Variants in NEGR1 observed in about 807,000 individuals in gnomAD.
NEGR1 encodes neuronal growth regulator 1.
A neutral mutation model predicts 40.9 loss-of-function variants in NEGR1; 10 were observed. The observed-to-expected ratio is 0.24, with a 90% CI of 0.15 to 0.42. The LOEUF is 0.42. Ranked by LOEUF, NEGR1 falls within the 10% of genes least tolerant of loss-of-function variation. The pLI is 1.00. For missense variants in NEGR1, 352 were observed against 438.9 expected, an observed-to-expected ratio of 0.80 and a Z score of 1.77; for synonymous variants, 185 against 166.8, an observed-to-expected ratio of 1.11 and a Z score of -0.84.
chr1:72,026,525 A>G (rs1300516598), intron 1 of NEGR1, among the ~76,000 whole-genome samples: 2 of 148,000 alleles, frequency 1.4e-5, no homozygotes, highest in Admixed American at 6.8e-5. Flanking sequence ...ACGGTTCACA[A>G]TGACATTCTT....
At chr1:71,849,971 A>G (rs1440183299) in intron 2 of NEGR1, among the ~76,000 whole-genome samples, 1 of 152,154 alleles carries the variant, frequency 6.6e-6, no homozygotes, top group East Asian at 1.9e-4. Context: ...ATTTATTGCA[A>G]TATTTACTTT....
intron 6 of NEGR1, among the ~76,000 whole-genome samples, chr1:71,445,299 C>CTT (rs67225048): frequency 7.5e-6 from 1 of 132,856 alleles, no homozygotes; most frequent in African/African-American, 2.8e-5. Context: ...AAGCTCAATG[C>CTT]TTTTTTTTTT....
At chr1:71,435,966 C>A (rs148288521) in intron 6 of NEGR1, among the ~76,000 whole-genome samples, 3,183 of 152,216 alleles carry the variant, frequency 0.021, 48 homozygotes, top group South Asian at 0.086. Flanking sequence ...TCATGAGGAC[C>A]TTTAAAGCTC....
At chr1:72,068,224 T>C (rs900750206) in intron 1 of NEGR1, among the ~76,000 whole-genome samples, 3 of 152,100 alleles carry the variant, frequency 2.0e-5, no homozygotes, top group African/African-American at 7.2e-5. Context: ...AGGTGGAACC[T>C]AAGTGCTTGA....
At chr1:71,640,220 TG>T in intron 4 of NEGR1, among the ~76,000 whole-genome samples, 1 of 152,178 alleles carries the variant, frequency 6.6e-6, no homozygotes, top group Middle Eastern at 3.4e-3. Context: ...TGTTAATGTG[TG>T]GCCACACTGC....
intron 2 of NEGR1, among the ~76,000 whole-genome samples, chr1:71,826,376 C>T (rs981894116): frequency 6.6e-6 from 1 of 151,864 alleles, no homozygotes. Context: ...ACCTGCTAAT[C>T]ATTCCTTTCA....
At chr1:72,269,003 T>G (rs1655752075) in intron 1 of NEGR1, among the ~76,000 whole-genome samples, 1 of 151,554 alleles carries the variant, frequency 6.6e-6, no homozygotes, top group Admixed American at 6.6e-5. Flanking sequence ...TGGGTACACA[T>G]GCAAAGTCTC....
At chr1:71,947,882 G>A (rs574846066) in intron 1 of NEGR1, among the ~76,000 whole-genome samples, 1 of 152,226 alleles carries the variant, frequency 6.6e-6, no homozygotes, top group East Asian at 1.9e-4. Context: ...TTATGTCTAA[G>A]ATGCTGTATT....
chr1:71,400,366 TC>T lies in NEGR1; in HGVS notation c.*7079del. On this transcript the variant is annotated 3_prime_UTR_variant, in exon 7 of 7. Coordinates refer to ENST00000357731, the MANE Select transcript of NEGR1 (RefSeq NM_173808.3). The stretch of plus-strand genomic sequence containing the variant: ...ATTTGGTTGATGAATTATTGCTATC[TC>T]AACTGTTACTTCATTTTTCTTACTG... 6.6e-6 allele frequency: 1 copy of T among 152,260 alleles called. No individual in the cohort carries two copies. The highest frequency in any genetic ancestry group is 1.5e-5 in the Non-Finnish European group (1 of 68,018). The allele number at this position is 152,260 out of a possible 1,614,324, so 9.4% of individuals were successfully genotyped here.
At chr1:71,726,058 C>CA in intron 3 of NEGR1, among the ~76,000 whole-genome samples, 1 of 152,252 alleles carries the variant, frequency 6.6e-6, no homozygotes, top group South Asian at 2.1e-4. Flanking sequence ...TGCTGGATGA[C>CA]AAATTGCTGC....
At position 72,065,679 on chromosome 1, in the gene NEGR1, A is replaced by C. The variant is rs375522439; in HGVS notation, c.177-130368T>G. Reference sequence around the variant, plus strand: ...AATTAAGTATGAAGTGTACCTTTAGAAAAAAGTTAAATTGAAGGTTGGTCA... The same window carrying C: ...AATTAAGTATGAAGTGTACCTTTAGCAAAAAGTTAAATTGAAGGTTGGTCA... On this transcript the variant is annotated intron_variant, in intron 1 of 6. Transcript: ENST00000357731. Among the ~76,000 whole-genome samples the C allele has an allele frequency of 5.3e-5, 8 of 152,242 alleles. No individual in the cohort carries two copies. In the East Asian group the frequency reaches 9.7e-4, roughly 18 times the overall value.
intron 1 of NEGR1, among the ~76,000 whole-genome samples, chr1:72,224,811 G>A (rs1036338006): frequency 6.6e-6 from 1 of 151,974 alleles, no homozygotes; most frequent in Admixed American, 6.6e-5. Flanking sequence ...TCTATAGTCA[G>A]TTTGTTTCTA....
intron 1 of NEGR1, among the ~76,000 whole-genome samples, chr1:72,025,459 A>G (rs544412635): frequency 6.6e-6 from 1 of 152,296 alleles, no homozygotes; most frequent in East Asian, 1.9e-4. Flanking sequence ...TAATAAAATA[A>G]TTCATTGATT....
chr1:71,934,248 C>G (rs1001092494), intron 2 of NEGR1, among the ~76,000 whole-genome samples: 2 of 152,022 alleles, frequency 1.3e-5, no homozygotes, highest in African/African-American at 4.8e-5. Context: ...TTTCCATTCT[C>G]CTAGCATAAT....
At position 71,403,216 on chromosome 1, in the gene NEGR1, C is replaced by G. The variant is rs941924410; in HGVS notation, c.*4230G>C. On this transcript the variant is annotated 3_prime_UTR_variant, in exon 7 of 7. Coordinates refer to ENST00000357731, the MANE Select transcript of NEGR1 (RefSeq NM_173808.3). ...TATATTATGGTTTGGTATTTACAAA[C>G]TAAAGGTTCTCAGCCAAATAACGTG... 6.6e-6 allele frequency: 1 copy of G among 151,996 alleles called. No individual in the cohort carries two copies. The highest frequency in any genetic ancestry group is 1.5e-5 in the Non-Finnish European group (1 of 67,936). The allele number at this position is 151,996 out of a possible 1,614,324, so 9.4% of individuals were successfully genotyped here.
intron 1 of NEGR1, among the ~76,000 whole-genome samples, chr1:72,273,536 C>G (rs1467108709): frequency 1.3e-5 from 2 of 151,850 alleles, no homozygotes; most frequent in African/African-American, 4.8e-5. Flanking sequence ...GCACTTCAAA[C>G]TTTTCTGCTT....
chr1:71,810,400 A>G (rs896805379), intron 2 of NEGR1, among the ~76,000 whole-genome samples: 1 of 152,086 alleles, frequency 6.6e-6, no homozygotes, highest in Admixed American at 6.6e-5. Flanking sequence ...CTTATAGTAA[A>G]TCTTGTAATT....
chr1:71,672,184 C>A lies in NEGR1; in HGVS notation c.667+25824G>T, dbSNP rs184608114. Reference sequence around the variant, plus strand: ...TCATTATTGGTTTCTGGATTTAATACCTTGCTGTTGAGAAAGTTTGGGGAT... The same window carrying A: ...TCATTATTGGTTTCTGGATTTAATAACTTGCTGTTGAGAAAGTTTGGGGAT... On this transcript the variant is annotated intron_variant, in intron 4 of 6. Transcript: ENST00000357731. Among the ~76,000 whole-genome samples the A allele has an allele frequency of 2.9e-3, 443 of 152,154 alleles. 3 individuals carry two copies. Among genetic ancestry groups the A allele is most frequent in the Admixed American group, 0.019 (285 of 15,276 alleles).
At chr1:71,604,524 A>G (rs1650021688) in intron 5 of NEGR1, among the ~76,000 whole-genome samples, 1 of 152,186 alleles carries the variant, frequency 6.6e-6, no homozygotes, top group African/African-American at 2.4e-5. Flanking sequence ...TATTTAGAAT[A>G]GAAAAGAGGA....
Sources: gnomAD v4.1 joint callset for allele counts (sites outside exome capture counted in the v4.1 genomes callset) on GRCh38, gnomAD v4.1.1 for gene constraint, MANE v1.5 for transcripts, NCBI Gene and HGNC (gene_info 2026-07-23, HGNC 2026-07-21) for gene names.